The following NPAS2 variants were observed in gnomAD, a reference collection of about 807,000 sequenced individuals.
NPAS2 encodes neuronal PAS domain protein 2.
NPAS2 carries 23 observed loss-of-function variants against 107.5 expected under a neutral mutation model. The ratio of observed to expected loss-of-function variants is 0.21; its 90% CI spans 0.15 to 0.30. The LOEUF (loss-of-function observed/expected upper bound fraction) is 0.30, where lower values mean the gene tolerates loss of function less well. Among genes scored for constraint, NPAS2 ranks in the 10% least tolerant of loss-of-function variants. The pLI is 1.00. For missense variants in NPAS2, 756 were observed against 1,043.3 expected, an observed-to-expected ratio of 0.72 and a Z score of 3.79; for synonymous variants, 403 against 417.5, an observed-to-expected ratio of 0.97 and a Z score of 0.42.
intron 3 of NPAS2, among the ~76,000 whole-genome samples, chr2:100,929,050 C>T (rs903258017): frequency 3.9e-5 from 6 of 152,202 alleles, no homozygotes; most frequent in Admixed American, 6.5e-5. Flanking sequence ...ATTGCAGACA[C>T]GTGCCACCAC....
intron 1 of NPAS2, among the ~76,000 whole-genome samples, chr2:100,828,681 A>G (rs1257269459): frequency 6.6e-6 from 1 of 151,968 alleles, no homozygotes; most frequent in African/African-American, 2.4e-5. Context: ...ATTTTTGTCA[A>G]CTTTGTTGAT....
At chr2:100,922,388 C>T (rs1006503632) in intron 2 of NPAS2, among the ~76,000 whole-genome samples, 6 of 152,040 alleles carry the variant, frequency 3.9e-5, no homozygotes, top group Non-Finnish European at 7.4e-5. Flanking sequence ...TCGAGACCAG[C>T]CTGGTCAACA....
chr2:100,895,236 A>C (rs1454457897), intron 1 of NPAS2, among the ~76,000 whole-genome samples: 2 of 152,200 alleles, frequency 1.3e-5, no homozygotes, highest in African/African-American at 4.8e-5. Flanking sequence ...CATTAGTGAT[A>C]GTGTGATTAA....
chr2:100,916,333 C>G (rs1682879409), intron 2 of NPAS2, among the ~76,000 whole-genome samples: 1 of 151,908 alleles, frequency 6.6e-6, no homozygotes, highest in Non-Finnish European at 1.5e-5. Flanking sequence ...AACCTAAATA[C>G]CTAAATATAT....
chr2:100,925,411 G>A (rs1057492804), intron 3 of NPAS2, 117 bp downstream of exon 3: 22 of 1,070,806 alleles, frequency 2.1e-5, no homozygotes, highest in Non-Finnish European at 2.2e-5. Flanking sequence ...CAGCCTTACC[G>A]GTCGAGGGCT....
At chr2:100,820,099 G>A (rs1675982370), upstream of NPAS2, 1 of 151,458 alleles carries the variant, frequency 6.6e-6, no homozygotes, top group African/African-American at 2.4e-5. This position sits in a 1 kb window ranked among gnomAD's most constrained non-coding sequence, Gnocchi z 5.6. Context: ...AGGAGGCAGG[G>A]GAGGAGGCAG....
intron 15 of NPAS2, among the ~76,000 whole-genome samples, chr2:100,979,502 ATTTTTTTTTTT>A (rs757799235): frequency 1.4e-4 from 6 of 43,328 alleles, no homozygotes; most frequent in South Asian, 8.5e-4. Flanking sequence ...ATATATATAT[ATTTTTTTTTTT>A]TTTTTTTTTT....
intron 12 of NPAS2, 22 bp downstream of exon 12, chr2:100,971,096 G>A (rs537408858): frequency 6.2e-7 from 1 of 1,608,594 alleles, no homozygotes; most frequent in South Asian, 1.1e-5. Context: ...CCTGCCAGAT[G>A]GATACGGCAA....
At chr2:100,935,280 G>A (rs751333916) in intron 4 of NPAS2, 5 of 171,188 alleles carry the variant, frequency 2.9e-5, no homozygotes, top group African/African-American at 1.2e-4. Flanking sequence ...TAGCCCAGAG[G>A]TTGTCCCAAG....
chr2:100,825,531 A>G (rs1676320267), intron 1 of NPAS2, among the ~76,000 whole-genome samples: 1 of 152,210 alleles, frequency 6.6e-6, no homozygotes, highest in Non-Finnish European at 1.5e-5. Context: ...ACCCATAATC[A>G]TCGCCCTATC....
chr2:100,858,588 A>G (rs1290131951), intron 1 of NPAS2, among the ~76,000 whole-genome samples: 1 of 152,190 alleles, frequency 6.6e-6, no homozygotes, highest in Non-Finnish European at 1.5e-5. Flanking sequence ...CTGAGCAAGG[A>G]GCAATTCAGA....
chr2:100,937,240 A>G (rs972322137), intron 4 of NPAS2, among the ~76,000 whole-genome samples: 4 of 151,864 alleles, frequency 2.6e-5, no homozygotes, highest in Admixed American at 6.5e-5. Context: ...TTCAGTGGGC[A>G]TTTCTCTTGT....
At chr2:100,865,801 T>A (rs1229436235) in intron 1 of NPAS2, among the ~76,000 whole-genome samples, 1 of 152,206 alleles carries the variant, frequency 6.6e-6, no homozygotes, top group East Asian at 1.9e-4. Context: ...ACAAGGAGAC[T>A]CCTATTTGGA....
Position 100,965,841 on chromosome 2 carries a change from A to G in NPAS2, c.907+75A>G, listed in dbSNP as rs764713309. The G allele has an allele frequency of 1.7e-5, 16 of 917,548 alleles. No homozygotes were observed. Among genetic ancestry groups the G allele is most frequent in the Non-Finnish European group, 2.6e-5 (15 of 574,562 alleles). The allele number at this position is 917,548 out of a possible 1,614,324, so 56.8% of individuals were successfully genotyped here. On this transcript the variant is annotated intron_variant, in intron 10 of 20. Transcript: ENST00000335681. This position sits in a 1 kb window ranked among gnomAD's most constrained non-coding sequence, Gnocchi z 4.3. ...TGGGGCCCAGCAGCAGGGCTCTGGG[A>G]CTCCAGAAGCCTCTGCTCGTTACCT...
chr2:100,823,883 G>A (rs2104315291), intron 1 of NPAS2: 1 of 152,316 alleles, frequency 6.6e-6, no homozygotes, highest in South Asian at 2.1e-4. Context: ...TTGACCTGTA[G>A]TCATATTTGA....
chr2:100,882,545 G>A lies in NPAS2; in HGVS notation c.-22-22188G>A, dbSNP rs575092912. ...GAGAATGGCGTAAAACCCGGGAGGCGGAGGTTGCAGTGAGCCGAGATCGCA... is the reference window on the plus strand; with the variant it reads ...GAGAATGGCGTAAAACCCGGGAGGCAGAGGTTGCAGTGAGCCGAGATCGCA... On this transcript the variant is annotated intron_variant, in intron 1 of 20. Coordinates refer to ENST00000335681, the MANE Select transcript of NPAS2 (RefSeq NM_002518.4). Among the ~76,000 whole-genome samples the A allele has an allele frequency of 3.1e-3, 476 of 152,316 alleles. 7 individuals carry two copies. Among genetic ancestry groups the A allele is most frequent in the African/African-American group, 0.011 (437 of 41,572 alleles).
At chr2:100,977,942 G>C (rs996265876) in intron 15 of NPAS2, 143 bp downstream of exon 15, 2 of 673,060 alleles carry the variant, frequency 3.0e-6, no homozygotes, top group South Asian at 3.7e-5. Context: ...GGCCTGTGTC[G>C]AGCCATGAGG....
intron 1 of NPAS2, among the ~76,000 whole-genome samples, chr2:100,869,968 G>A (rs1208512046): frequency 1.4e-5 from 2 of 142,264 alleles, no homozygotes; most frequent in African/African-American, 2.7e-5. Flanking sequence ...GCAGTGGCAC[G>A]ATCTTGGCTC....
chr2:100,936,841 GC>G (rs1684331919), intron 4 of NPAS2, among the ~76,000 whole-genome samples: 2 of 152,084 alleles, frequency 1.3e-5, no homozygotes, highest in South Asian at 4.2e-4. Context: ...AATTAGCTGG[GC>G]CTGGTGGCAT....
Sources: gnomAD v4.1 joint callset for allele counts (sites outside exome capture counted in the v4.1 genomes callset) on GRCh38, gnomAD v4.1.1 for gene constraint, Gnocchi (gnomAD v3.1) non-coding constraint, MANE v1.5 for transcripts, NCBI Gene and HGNC (gene_info 2026-07-23, HGNC 2026-07-21) for gene names.